The following ARHGEF7 variants were observed in gnomAD, a reference collection of about 807,000 sequenced individuals.
ARHGEF7 encodes the protein PAK-interacting exchange factor beta.
ARHGEF7 carries 33 observed loss-of-function variants against 109.8 expected under a neutral mutation model. The ratio of observed to expected loss-of-function variants is 0.30; its 90% CI spans 0.23 to 0.40. The LOEUF (loss-of-function observed/expected upper bound fraction) is 0.40, where lower values mean the gene tolerates loss of function less well. Ranked by LOEUF, ARHGEF7 falls within the 10% of genes least tolerant of loss-of-function variation. ARHGEF7 has a pLI of 1.00. For synonymous variants in ARHGEF7, 458 were observed against 424.6 expected (o/e 1.08, Z -0.97); for missense variants, 938 against 1,098.5 (o/e 0.85, Z 2.07).
At chr13:111,210,730 C>T (rs1227451128) in intron 4 of ARHGEF7, among the ~76,000 whole-genome samples, 2 of 152,188 alleles carry the variant, frequency 1.3e-5, no homozygotes, top group African/African-American at 2.4e-5. Context: ...AGCTGGCGGG[C>T]AGTGACTTCG....
chr13:111,189,109 G>A (rs1172676500), intron 2 of ARHGEF7, among the ~76,000 whole-genome samples: 1 of 152,190 alleles, frequency 6.6e-6, no homozygotes, highest in African/African-American at 2.4e-5. Flanking sequence ...TAAGGAAAAA[G>A]GATAGGAGGT....
intron 1 of ARHGEF7, among the ~76,000 whole-genome samples, chr13:111,128,838 C>T (rs1025511219): frequency 1.2e-4 from 19 of 152,158 alleles, no homozygotes; most frequent in African/African-American, 4.3e-4. Flanking sequence ...AACAGAGTCA[C>T]AACCAAAATC....
intron 8 of ARHGEF7, among the ~76,000 whole-genome samples, chr13:111,261,445 A>C (rs915310280): frequency 4.6e-5 from 7 of 152,212 alleles, no homozygotes; most frequent in East Asian, 1.9e-4. Context: ...CCAACATTGG[A>C]GCACCCAGAT....
chr13:111,174,070 T>C (rs1188643540), intron 2 of ARHGEF7, among the ~76,000 whole-genome samples: 1 of 152,248 alleles, frequency 6.6e-6, no homozygotes, highest in Non-Finnish European at 1.5e-5. Flanking sequence ...TCGGATAAGA[T>C]TAATGAAGCG....
intron 11 of ARHGEF7, among the ~76,000 whole-genome samples, chr13:111,275,285 C>CT (rs2092413244): frequency 6.6e-6 from 1 of 151,990 alleles, no homozygotes; most frequent in Non-Finnish European, 1.5e-5. Flanking sequence ...AAAATGTGCT[C>CT]TATCTTTCTA....
chr13:111,279,319 C>A lies in ARHGEF7; in HGVS notation c.1507-953C>A, dbSNP rs190858032. Among the ~76,000 whole-genome samples the A allele has an allele frequency of 2.0e-5, 3 of 151,886 alleles. No homozygotes were observed. In the East Asian group the frequency reaches 5.8e-4, roughly 29 times the overall value. On this transcript the variant is annotated intron_variant, in intron 13 of 21. Coordinates refer to ENST00000646102, the MANE Select transcript of ARHGEF7 (RefSeq NM_001354046.2). ...ACGTTCTGGACTGGATCGTTCATGG[C>A]CAGGGGCTGGGGGTCTCGGTGAGAC... is the stretch of plus-strand genomic sequence containing the variant.
intron 5 of ARHGEF7, among the ~76,000 whole-genome samples, chr13:111,232,542 GT>G (rs1432470233): frequency 6.6e-6 from 1 of 152,214 alleles, no homozygotes; most frequent in Non-Finnish European, 1.5e-5. Context: ...TTCAGCACCT[GT>G]TATGCAGAGT....
chr13:111,212,236 C>T lies in ARHGEF7; in HGVS notation c.468+2234C>T, dbSNP rs375705837. Among the ~76,000 whole-genome samples, 4 of 152,150 alleles carry T rather than the reference C, an allele frequency of 2.6e-5. No homozygotes were observed. The East Asian group carries it at 5.8e-4, about 22-fold the overall frequency. ...TGCAGTGGAGGTTTTCACTTGTCTG[C>T]GGTGCCCCTCCACCATTCCAAGGAA... On this transcript the variant is annotated intron_variant, in intron 4 of 21. Coordinates refer to ENST00000646102, the MANE Select transcript of ARHGEF7 (RefSeq NM_001354046.2).
chr13:111,162,555 C>G (rs1004957931), intron 2 of ARHGEF7, among the ~76,000 whole-genome samples: 1 of 152,196 alleles, frequency 6.6e-6, no homozygotes, highest in Non-Finnish European at 1.5e-5. Context: ...TCTCACTTTA[C>G]AGTCGAGAGA....
intron 4 of ARHGEF7, among the ~76,000 whole-genome samples, chr13:111,212,174 G>T (rs1030483195): frequency 2.0e-5 from 3 of 152,208 alleles, no homozygotes; most frequent in Non-Finnish European, 4.4e-5. Flanking sequence ...ATATAGGCAG[G>T]CTTGAACAGT....
Position 111,258,383 on chromosome 13 carries a change from G to T in ARHGEF7, c.951-9165G>T, listed in dbSNP as rs2090692550. On this transcript the variant is annotated intron_variant, in intron 8 of 21. Coordinates refer to ENST00000646102, the MANE Select transcript of ARHGEF7 (RefSeq NM_001354046.2). This position sits in a 1 kb window ranked among gnomAD's most constrained non-coding sequence, Gnocchi z 4.4. The stretch of plus-strand genomic sequence containing the variant: ...AGAGAATAAGAGGAGAGGAAAGACG[G>T]CTTTGTCTTGCAGCTTGGATACCAG... Among the ~76,000 whole-genome samples the T allele has an allele frequency of 6.6e-6, 1 of 152,246 alleles. No individual in the cohort carries two copies. Among genetic ancestry groups the T allele is most frequent in the Non-Finnish European group, 1.5e-5 (1 of 68,048 alleles).
chr13:111,221,500 T>TATAGATATATAGAA (rs1555372674), intron 5 of ARHGEF7, among the ~76,000 whole-genome samples: 1 of 81,828 alleles, frequency 1.2e-5, no homozygotes, highest in Non-Finnish European at 2.4e-5. Flanking sequence ...GACATATATA[T>TATAGATATATAGAA]ATCTATATAT....
chr13:111,289,470 G>A lies in ARHGEF7; in HGVS notation c.2134+1027G>A, dbSNP rs144847075. ...CACAACAGCTGACATGTGGGCACGT[G>A]CTGCTGGGGCCTCGGACACCACAGG... On this transcript the variant is annotated intron_variant, in intron 18 of 21. Transcript: ENST00000646102. 8.2e-3 allele frequency among the ~76,000 whole-genome samples: 1,246 copies of A among 152,340 alleles called. 11 individuals are homozygous for A. The highest frequency in any genetic ancestry group is 0.02 in the Middle Eastern group (6 of 294).
At chr13:111,231,643 C>T (rs1385916879) in intron 5 of ARHGEF7, among the ~76,000 whole-genome samples, 3 of 152,146 alleles carry the variant, frequency 2.0e-5, no homozygotes, top group African/African-American at 7.2e-5. Context: ...GACCTGAAGC[C>T]TTAGAGTGTT....
chr13:111,228,696 G>A lies in ARHGEF7; in HGVS notation c.671-4509G>A, dbSNP rs76206336. 0.021 allele frequency among the ~76,000 whole-genome samples: 3,156 copies of A among 152,144 alleles called. 114 individuals carry two copies. Among genetic ancestry groups the A allele is most frequent in the African/African-American group, 0.073 (3,013 of 41,476 alleles). The stretch of plus-strand genomic sequence containing the variant: ...GAGGGTGCATGTGGTTCAGGAAAGC[G>A]GCAGGCAGACACTGCTGAGCACGGG... On this transcript the variant is annotated intron_variant, in intron 5 of 21. Coordinates refer to ENST00000646102, the MANE Select transcript of ARHGEF7 (RefSeq NM_001354046.2). The surrounding 1 kb of genome is among the most constrained non-coding windows in gnomAD (Gnocchi z 4.6).
Position 111,274,748 on chromosome 13 carries a change from A to C in ARHGEF7, c.1230A>C (p.Arg410Ser). ...ERHMEDYHTD[R>S]QDIQKSMAAF... The stretch of plus-strand genomic sequence containing the variant: ...ACTCAAAGGATTATCATACAGATAG[A>C]CAAGATATTCAAAAATCCATGGCTG... The change falls in exon 11 of 22, where the codon AGA (arginine) becomes AGC (serine). Residue 410 changes from arginine (R) to serine (S), a missense_variant. Physicochemically the swap from Arg to Ser is moderately radical, Grantham distance 110 (BLOSUM62 -1). Around this residue, in one of 4 missense-constraint regions of ARHGEF7, gnomAD observed 585 missense variants for 723.6 expected, o/e 0.81. Transcript: ENST00000646102. 6.7e-7 allele frequency: 1 copy of C among 1,499,022 alleles called. No individual in the cohort carries two copies. Among genetic ancestry groups the C allele is most frequent in the Non-Finnish European group, 8.9e-7 (1 of 1,124,108 alleles). The allele number at this position is 1,499,022 out of a possible 1,614,324, so 92.9% of individuals were successfully genotyped here.
intron 1 of ARHGEF7, among the ~76,000 whole-genome samples, chr13:111,153,193 G>GA (rs749803655): frequency 7.2e-5 from 11 of 152,242 alleles, no homozygotes; most frequent in Non-Finnish European, 8.8e-5. Flanking sequence ...AGAAAGAAGG[G>GA]AAAAAATCCC....
At chr13:111,218,612 T>G (rs1378666889) in intron 5 of ARHGEF7, among the ~76,000 whole-genome samples, 1 of 152,142 alleles carries the variant, frequency 6.6e-6, no homozygotes, top group East Asian at 1.9e-4. Context: ...TTACAGAGAA[T>G]AGCTGATACA....
chr13:111,127,673 A>AAGAAG (rs2067667411), intron 1 of ARHGEF7, among the ~76,000 whole-genome samples: 1 of 106,564 alleles, frequency 9.4e-6, no homozygotes, highest in Non-Finnish European at 2.3e-5. Context: ...AAAAAAAAAA[A>AAGAAG]GAAGGAAGGA....
Sources: gnomAD v4.1 joint callset for allele counts (sites outside exome capture counted in the v4.1 genomes callset) on GRCh38, gnomAD v4.1.1 for gene constraint, gnomAD v4.1.1 regional missense constraint, Gnocchi (gnomAD v3.1) non-coding constraint, MANE v1.5 for transcripts, NCBI Gene and HGNC (gene_info 2026-07-23, HGNC 2026-07-21) for gene names.